Variants in YTHDC2 observed in about 807,000 individuals in gnomAD.
YTHDC2 encodes the protein YTH N6-methyladenosine RNA binding protein C2.
YTHDC2 carries 45 observed loss-of-function variants against 174.9 expected under a neutral mutation model. The ratio of observed to expected loss-of-function variants is 0.26; its 90% CI spans 0.20 to 0.33. YTHDC2 has a LOEUF of 0.33. YTHDC2 is among the 10% of genes least tolerant of loss of function. YTHDC2 has a pLI of 1.00. For missense variants in YTHDC2, 1,650 were observed against 1,723.7 expected (o/e 0.96, Z 0.76); for synonymous variants, 657 against 574.5 (o/e 1.14, Z -2.05).
intron 7 of YTHDC2, 27 bp downstream of exon 7, chr5:113,535,825 A>G (rs765402179): frequency 2.1e-5 from 32 of 1,527,936 alleles, no homozygotes; most frequent in East Asian, 4.7e-5. Flanking sequence ...GATTTCTTCT[A>G]TAATTTTTAT....
chr5:113,527,792 G>GT (rs760151219), intron 4 of YTHDC2, among the ~76,000 whole-genome samples: 1 of 151,960 alleles, frequency 6.6e-6, no homozygotes, highest in Non-Finnish European at 1.5e-5. Flanking sequence ...GCATGAGTTT[G>GT]TTTTTTATTT....
In YTHDC2 at chr5:113,514,588, T is replaced by C. The variant is rs142797213; in HGVS notation, c.187+506T>C. ...ACACCTCTTGAGGTTAGATAGCCAC[T>C]TGTCTTGGGTCATATAATGCAGAAC... is the stretch of plus-strand genomic sequence containing the variant. On this transcript the variant is annotated intron_variant, in intron 1 of 29. Coordinates refer to ENST00000161863, the MANE Select transcript of YTHDC2 (RefSeq NM_022828.5). 1.0e-3 allele frequency among the ~76,000 whole-genome samples: 155 copies of C among 152,290 alleles called. No individual in the cohort carries two copies. In the East Asian group the frequency reaches 0.023, roughly 22 times the overall value.
chr5:113,524,876 AT>A (rs757141313), intron 2 of YTHDC2, 104 bp from the exon 3 acceptor site: 2 of 862,982 alleles, frequency 2.3e-6, no homozygotes, highest in Non-Finnish European at 3.3e-6. Flanking sequence ...AAGCATTTTG[AT>A]TTTTTTCAGT....
chr5:113,561,952 TTGTGGGTGTGTGTGTG>T (rs1561675764), intron 18 of YTHDC2, among the ~76,000 whole-genome samples: 1 of 102,534 alleles, frequency 9.8e-6, no homozygotes, highest in East Asian at 2.3e-4. Flanking sequence ...CCTCTATTAA[TTGTGGGTGTGTGTGTG>T]TGTGTGTGTG....
In YTHDC2 at chr5:113,563,721, A is replaced by G. The variant is rs897096156; in HGVS notation, c.2443-138A>G. On this transcript the variant is annotated intron_variant, in intron 19 of 29. Transcript: ENST00000161863. ...ATATAGTTCTTTTATATAGTATAATAGAAACGAAATATATTTTTATGAGAT... is the reference window on the plus strand; with the variant it reads ...ATATAGTTCTTTTATATAGTATAATGGAAACGAAATATATTTTTATGAGAT... 9 of 1,062,896 alleles carry G rather than the reference A, an allele frequency of 8.5e-6. No homozygotes were observed. The East Asian group carries it at 2.1e-4, about 25-fold the overall frequency. 65.8% of individuals were successfully genotyped at this position (1,062,896 alleles called of 1,614,324 possible).
At chr5:113,515,969 A>T (rs1008717333) in intron 2 of YTHDC2, among the ~76,000 whole-genome samples, 3 of 152,204 alleles carry the variant, frequency 2.0e-5, no homozygotes, top group Non-Finnish European at 4.4e-5. Context: ...CCTTTCTGGT[A>T]AAGCAGGGGA....
intron 2 of YTHDC2, among the ~76,000 whole-genome samples, chr5:113,515,886 G>C (rs1580460137): frequency 6.6e-6 from 1 of 152,296 alleles, no homozygotes; most frequent in East Asian, 1.9e-4. Context: ...TAGCAAGGTT[G>C]GTTATGTAGG....
At chr5:113,516,453 A>G (rs1203769590) in intron 2 of YTHDC2, among the ~76,000 whole-genome samples, 1 of 152,208 alleles carries the variant, frequency 6.6e-6, no homozygotes, top group East Asian at 1.9e-4. Context: ...CATTTTGTTA[A>G]TAAGGATGGT....
rs189434056 is a variant in YTHDC2, at chr5:113,584,068, A to G, written c.3648-234A>G. On this transcript the variant is annotated intron_variant, in intron 25 of 29. Coordinates refer to ENST00000161863, the MANE Select transcript of YTHDC2 (RefSeq NM_022828.5). The stretch of plus-strand genomic sequence containing the variant: ...AACAGATAAGGAAATTAAAGTTCCA[A>G]TAAGTTACGAGGCTTGCTCAGGATC... The G allele has an allele frequency of 2.4e-3, 767 of 325,896 alleles. 3 individuals are homozygous for G. The highest frequency in any genetic ancestry group is 2.4e-3 in the Non-Finnish European group (434 of 181,388). The allele number at this position is 325,896 out of a possible 1,614,324, so 20.2% of individuals were successfully genotyped here. A position where few individuals can be genotyped will look rare whatever the true frequency, so the allele number is the denominator to read the frequency against.
At chr5:113,529,276 T>C (rs1420418722) in intron 4 of YTHDC2, among the ~76,000 whole-genome samples, 1 of 152,250 alleles carries the variant, frequency 6.6e-6, no homozygotes. Flanking sequence ...GATGTTAATC[T>C]ACTCTAGTTA....
intron 12 of YTHDC2, 37 bp from the exon 13 acceptor site, chr5:113,553,144 A>C: frequency 2.1e-6 from 3 of 1,454,826 alleles, no homozygotes; most frequent in Non-Finnish European, 2.7e-6. Flanking sequence ...TTGTTAATGG[A>C]AATTGACTTT....
chr5:113,584,953 T>A (rs1487782592), intron 26 of YTHDC2, among the ~76,000 whole-genome samples: 1 of 151,738 alleles, frequency 6.6e-6, no homozygotes. Flanking sequence ...TAAAGAAAAA[T>A]TCTTTTTTTA....
intron 27 of YTHDC2, 49 bp from the exon 28 acceptor site, chr5:113,591,947 A>C (rs1580665388): frequency 2.3e-6 from 3 of 1,326,214 alleles, no homozygotes; most frequent in East Asian, 5.2e-5. Context: ...AAATTTAGAC[A>C]TGCTAATCTC....
chr5:113,547,736 G>C (rs1775985545), intron 10 of YTHDC2, among the ~76,000 whole-genome samples: 1 of 152,114 alleles, frequency 6.6e-6, no homozygotes, highest in Non-Finnish European at 1.5e-5. Flanking sequence ...GATGTATATT[G>C]ATAATGGATA....
At chr5:113,565,781 A>G (rs1006662394) in intron 20 of YTHDC2, 112 bp from the exon 21 acceptor site, 24 of 1,112,510 alleles carry the variant, frequency 2.2e-5, no homozygotes, top group Non-Finnish European at 2.8e-5. Context: ...AGAAAATTAG[A>G]ATAAGGCAAA....
chr5:113,514,255 G>C, intron 1 of YTHDC2, 173 bp downstream of exon 1: 2 of 798,260 alleles, frequency 2.5e-6, no homozygotes, highest in African/African-American at 3.4e-5. Flanking sequence ...CGCGGCTGTT[G>C]GCCCTGCGGT....
chr5:113,548,875 G>T, intron 11 of YTHDC2, 80 bp from the exon 12 acceptor site: 3 of 1,330,018 alleles, frequency 2.3e-6, no homozygotes, highest in South Asian at 3.3e-5. Flanking sequence ...GAAAAGACAG[G>T]GTCTTGATGT....
intron 2 of YTHDC2, among the ~76,000 whole-genome samples, chr5:113,522,647 C>T (rs866920004): frequency 4.6e-5 from 7 of 152,056 alleles, no homozygotes; most frequent in Non-Finnish European, 8.8e-5. Context: ...ACCATAGTTT[C>T]GGTTATCTTG....
rs200786247 is a variant in YTHDC2 at position 113,564,042 on chromosome 5, G to T, written c.2626G>T (p.Ala876Ser). 6.2e-7 allele frequency: 1 copy of T among 1,614,052 alleles called. No homozygotes were observed. The highest frequency in any genetic ancestry group is 1.1e-5 in the South Asian group (1 of 91,084). The change falls in exon 20 of 30, where the codon GCC (alanine) becomes TCC (serine). Residue 876 changes from alanine (A) to serine (S), a missense_variant. Coordinates refer to ENST00000161863, the MANE Select transcript of YTHDC2 (RefSeq NM_022828.5). The stretch of plus-strand genomic sequence containing the variant: ...AGATCCTTTTGTACTACCTACTCAG[G>T]CCTCTCAAAAACGTGCAGCTATGCT... Reference protein sequence around the residue: ...YRDPFVLPTQASQKRAAMLCR... With the variant: ...YRDPFVLPTQSSQKRAAMLCR...
Sources: allele counts gnomAD v4.1 joint callset (sites outside exome capture counted in the v4.1 genomes callset), GRCh38; gene constraint gnomAD v4.1.1; transcripts MANE v1.5; gene names NCBI Gene and HGNC (gene_info 2026-07-23, HGNC 2026-07-21).